E2F7: variants seen among roughly 807,000 people sequenced by gnomAD.
E2F7 encodes the protein E2F transcription factor 7, also known as transcription factor E2F7.
In E2F7, 35 loss-of-function variants were observed where a neutral mutation model predicts 81.1. The observed-to-expected ratio is 0.43, with a 90% CI of 0.33 to 0.57. The LOEUF (loss-of-function observed/expected upper bound fraction) is 0.57. Ranked by LOEUF, E2F7 falls within the 20% of genes least tolerant of loss-of-function variation. E2F7 has a pLI of 0.04. For synonymous variants in E2F7, 416 were observed against 416.2 expected (o/e 1.00, Z 0.01); for missense variants, 961 against 1,093.7 (o/e 0.88, Z 1.71).
In E2F7 at chr12:77,023,916, G is replaced by C; in HGVS notation, c.*99C>G. The C allele has an allele frequency of 1.4e-6, 2 of 1,399,056 alleles. No individual in the cohort carries two copies. Among genetic ancestry groups the C allele is most frequent in the Admixed American group, 4.4e-5 (2 of 45,086 alleles). The allele number at this position is 1,399,056 out of a possible 1,614,324, so 86.7% of individuals were successfully genotyped here. A position where few individuals can be genotyped will look rare whatever the true frequency, so the allele number is the denominator to read the frequency against. ...AACAGAAGTGTGGATGAAAGAGAGA[G>C]GAAGGACCCGTGCTCAGGACGGGAT... On this transcript the variant is annotated 3_prime_UTR_variant, in exon 13 of 13. Coordinates refer to ENST00000322886, the MANE Select transcript of E2F7 (RefSeq NM_203394.3).
chr12:77,044,656 T>G lies in E2F7; in HGVS notation c.969A>C (p.Pro323=). Residue 323 remains proline, a synonymous_variant, in exon 6 of 13, where the codon CCA becomes CCC. Transcript: ENST00000322886. ...KILIEESQDA[P]DHSKFKTKVR... ...TCTTACTTTTAAATTTACTATGGTC[T>G]GGGGCATCTTGGCTTTCTTCTATCA... 6.2e-7 allele frequency: 1 copy of G among 1,613,982 alleles called. No homozygotes were observed. Among genetic ancestry groups the G allele is most frequent in the Non-Finnish European group, 8.5e-7 (1 of 1,179,950 alleles).
At chr12:77,058,413 C>T (rs1955051932) in intron 2 of E2F7, among the ~76,000 whole-genome samples, 1 of 152,142 alleles carries the variant, frequency 6.6e-6, no homozygotes, top group African/African-American at 2.4e-5. Flanking sequence ...CAAGAAACAG[C>T]TGAAGGCAGA....
chr12:77,040,374 C>T (rs967551581), intron 7 of E2F7, among the ~76,000 whole-genome samples: 3 of 152,148 alleles, frequency 2.0e-5, no homozygotes, highest in African/African-American at 7.2e-5. Flanking sequence ...ACTAAAAAGA[C>T]TGCAAACAGA....
chr12:77,041,820 T>C (rs572718430), intron 7 of E2F7, among the ~76,000 whole-genome samples: 2 of 152,208 alleles, frequency 1.3e-5, no homozygotes, highest in Non-Finnish European at 2.9e-5. Context: ...TGCCTAATTA[T>C]AGAAGCTCAT....
rs1954924438 is a variant in E2F7 at position 77,044,686 on chromosome 12, T to C, written c.939A>G (p.Lys313=). 1.9e-6 allele frequency: 3 copies of C among 1,614,164 alleles called. No individual in the cohort carries two copies. In the East Asian group the frequency reaches 6.7e-5, roughly 36 times the overall value. ...CATCTTGGCTTTCTTCTATCAGTAT[T>C]TTGGCAGCCACATCCAGAGTGACAA... is the stretch of plus-strand genomic sequence containing the variant. ...TKIVTLDVAA[K]ILIEESQDAP... Residue 313 remains lysine (K), a synonymous_variant, in exon 6 of 13, where the codon AAA becomes AAG. Coordinates refer to ENST00000322886, the MANE Select transcript of E2F7 (RefSeq NM_203394.3).
rs150826712 is a variant in E2F7, at chr12:77,030,318, G to A, written c.1397C>T (p.Ala466Val). 7.8e-5 allele frequency: 121 copies of A among 1,546,882 alleles called. No individual in the cohort carries two copies. In the African/African-American group the frequency reaches 1.5e-3, roughly 20 times the overall value. Residue 466 changes from alanine to valine, a missense_variant, in exon 10 of 13, where the codon GCC becomes GTC. Coordinates refer to ENST00000322886, the MANE Select transcript of E2F7 (RefSeq NM_203394.3). ...IEDNSQGKAF[A>V]SKRVVPPSSS... is the part of the protein sequence containing the mutation. ...TGATGGAGGCACCACTCTCTTACTG[G>A]CAAAGGCTTTTCCCCTATAATAAAA...
intron 2 of E2F7, among the ~76,000 whole-genome samples, chr12:77,060,286 T>C (rs1381431747): frequency 6.6e-6 from 1 of 152,138 alleles, no homozygotes; most frequent in East Asian, 1.9e-4. Flanking sequence ...TAATATACCT[T>C]GGCTTACCTA....
At chr12:77,046,464 G>T in intron 4 of E2F7, 136 bp from the exon 5 acceptor site, 1 of 879,796 alleles carries the variant, frequency 1.1e-6, no homozygotes, top group Non-Finnish European at 1.7e-6. Context: ...GATGCTCAAG[G>T]AATTCAACCT....
chr12:77,061,206 C>G (rs969094803), intron 2 of E2F7, among the ~76,000 whole-genome samples: 2 of 152,202 alleles, frequency 1.3e-5, no homozygotes, highest in Non-Finnish European at 2.9e-5. Context: ...GACCTGATTA[C>G]GACCTTTCAT....
intron 11 of E2F7, among the ~76,000 whole-genome samples, chr12:77,027,661 G>T (rs138158945): frequency 4.4e-4 from 67 of 151,902 alleles, no homozygotes; most frequent in African/African-American, 1.5e-3. Context: ...TATTTTTTTT[G>T]AATCACCTGC....
At chr12:77,061,049 G>A (rs1006849853) in intron 2 of E2F7, among the ~76,000 whole-genome samples, 1 of 152,222 alleles carries the variant, frequency 6.6e-6, no homozygotes, top group East Asian at 1.9e-4. Context: ...TCATACTTCT[G>A]ATTGTGCCTT....
chr12:77,034,484 G>A (rs1954832767), intron 7 of E2F7, among the ~76,000 whole-genome samples: 1 of 152,160 alleles, frequency 6.6e-6, no homozygotes, highest in African/African-American at 2.4e-5. Flanking sequence ...GCAATGAATA[G>A]GAGAATCTCT....
intron 6 of E2F7, among the ~76,000 whole-genome samples, chr12:77,043,690 T>C (rs1236751296): frequency 6.6e-6 from 1 of 152,078 alleles, no homozygotes; most frequent in Non-Finnish European, 1.5e-5. Context: ...ACAGTACAAC[T>C]GTACTAAAGA....
intron 4 of E2F7, among the ~76,000 whole-genome samples, chr12:77,048,631 G>A (rs310803): frequency 0.081 from 12,376 of 152,192 alleles, 702 homozygotes; most frequent in Middle Eastern, 0.18. Flanking sequence ...AAAGACAGTC[G>A]TCAGTGAAAC....
At chr12:77,034,315 A>G (rs998774014) in intron 7 of E2F7, among the ~76,000 whole-genome samples, 1 of 152,182 alleles carries the variant, frequency 6.6e-6, no homozygotes, top group Non-Finnish European at 1.5e-5. Flanking sequence ...GTAGAGCAAG[A>G]TGTTCTTCAA....
In E2F7 at chr12:77,021,966, A is replaced by G. The variant is rs977777830; in HGVS notation, c.*2049T>C. The G allele has an allele frequency of 1.3e-5, 2 of 152,162 alleles. No individual in the cohort carries two copies. Among genetic ancestry groups the G allele is most frequent in the African/African-American group, 4.8e-5 (2 of 41,440 alleles). The allele number at this position is 152,162 out of a possible 1,614,324, so 9.4% of individuals were successfully genotyped here. A position where few individuals can be genotyped will look rare whatever the true frequency, so the allele number is the denominator to read the frequency against. ...TCACCAAGTCATAATATCCTCACCA[A>G]TGGGACTGCTTCTTAACACCCCTCA... On this transcript the variant is annotated 3_prime_UTR_variant, in exon 13 of 13. Transcript: ENST00000322886.
chr12:77,030,867 C>T (rs151071726), intron 9 of E2F7, among the ~76,000 whole-genome samples: 203 of 152,104 alleles, frequency 1.3e-3, no homozygotes, highest in South Asian at 6.0e-3. Context: ...CTGTGAGAGA[C>T]GCTGGGAGAG....
chr12:77,063,008 T>C (rs76371608), intron 2 of E2F7, among the ~76,000 whole-genome samples: 3,383 of 151,946 alleles, frequency 0.022, 81 homozygotes, highest in African/African-American at 0.064. Context: ...AATTCATGAG[T>C]TTTAGATTGT....
chr12:77,048,029 C>T (rs1954957438), intron 4 of E2F7, among the ~76,000 whole-genome samples: 1 of 152,220 alleles, frequency 6.6e-6, no homozygotes, highest in African/African-American at 2.4e-5. Context: ...AGTGGCTAGA[C>T]ATCCCAAGAA....
Sources: allele counts gnomAD v4.1 joint callset (sites outside exome capture counted in the v4.1 genomes callset), GRCh38; gene constraint gnomAD v4.1.1; transcripts MANE v1.5; gene names NCBI Gene and HGNC (gene_info 2026-07-23, HGNC 2026-07-21).